Variants in MRTFA observed in about 807,000 individuals in gnomAD.
The protein encoded by MRTFA is myocardin related transcription factor A.
A neutral mutation model predicts 83.5 loss-of-function variants in MRTFA; 20 were observed. The ratio of observed to expected loss-of-function variants is 0.24; its 90% CI spans 0.17 to 0.35. The LOEUF is 0.35. Among genes scored for constraint, MRTFA ranks in the 10% least tolerant of loss-of-function variants. The pLI is 1.00. For missense variants in MRTFA, 1,200 were observed against 1,224.7 expected, an observed-to-expected ratio of 0.98 and a Z score of 0.30; for synonymous variants, 659 against 541.2, an observed-to-expected ratio of 1.22 and a Z score of -3.02.
intron 1 of MRTFA, among the ~76,000 whole-genome samples, chr22:40,602,918 T>C (rs755265321): frequency 3.0e-4 from 46 of 152,112 alleles, no homozygotes; most frequent in Non-Finnish European, 2.5e-4. Context: ...AAAACTGGCA[T>C]CACAAGAAAG....
At chr22:40,465,693 T>G (rs979782777) in intron 3 of MRTFA, among the ~76,000 whole-genome samples, 5 of 152,104 alleles carry the variant, frequency 3.3e-5, no homozygotes, top group Non-Finnish European at 7.4e-5. Flanking sequence ...CTGGAGTAGC[T>G]GGAACTATAG....
chr22:40,439,460 G>C (rs2053231912), intron 4 of MRTFA, among the ~76,000 whole-genome samples: 1 of 134,176 alleles, frequency 7.5e-6, no homozygotes, highest in South Asian at 2.3e-4. Context: ...AGCCAAAATT[G>C]CTCCATGGCA....
At chr22:40,533,931 G>A (rs990493192) in intron 3 of MRTFA, 1 of 295,018 alleles carries the variant, frequency 3.4e-6, no homozygotes, top group African/African-American at 2.1e-5. Context: ...CTCTGGGGGA[G>A]GGGAGAGACA....
chr22:40,551,202 G>C (rs1369704826), intron 3 of MRTFA, among the ~76,000 whole-genome samples: 2 of 151,950 alleles, frequency 1.3e-5, no homozygotes, highest in East Asian at 1.9e-4. Flanking sequence ...ATTAAAAAAA[G>C]GTTGAGGTAT....
At chr22:40,525,167 G>A (rs1400686969) in intron 3 of MRTFA, among the ~76,000 whole-genome samples, 1 of 152,028 alleles carries the variant, frequency 6.6e-6, no homozygotes, top group Non-Finnish European at 1.5e-5. Context: ...AAATCAGAAA[G>A]ATACAGGAAA....
chr22:40,528,237 C>A (rs1053276301), intron 3 of MRTFA, among the ~76,000 whole-genome samples: 6 of 152,110 alleles, frequency 3.9e-5, no homozygotes, highest in Non-Finnish European at 7.4e-5. Flanking sequence ...ATCTCCACCT[C>A]CTAAGATGTG....
At chr22:40,513,844 C>T (rs1345781716) in intron 3 of MRTFA, among the ~76,000 whole-genome samples, 1 of 151,962 alleles carries the variant, frequency 6.6e-6, no homozygotes, top group African/African-American at 2.4e-5. Context: ...CATTTGTAAT[C>T]CTAGCATTTT....
At chr22:40,587,899 T>C in intron 2 of MRTFA, 1 of 420,690 alleles carries the variant, frequency 2.4e-6, no homozygotes, top group African/African-American at 2.1e-5. Context: ...TCACAATATC[T>C]GGTGGAATGG....
chr22:40,525,426 G>A (rs888215446), intron 3 of MRTFA, among the ~76,000 whole-genome samples: 6 of 151,700 alleles, frequency 4.0e-5, no homozygotes, highest in Admixed American at 6.6e-5. Flanking sequence ...GCTTGAGCCC[G>A]GGAGACAGAG....
chr22:40,613,082 A>ATGGTGTCTTC (rs2056405450), intron 1 of MRTFA, among the ~76,000 whole-genome samples: 1 of 152,164 alleles, frequency 6.6e-6, no homozygotes, highest in Non-Finnish European at 1.5e-5. Flanking sequence ...AGAACTTCTT[A>ATGGTGTCTTC]TAAATGAAAT....
chr22:40,506,187 T>C (rs187631634), intron 3 of MRTFA, among the ~76,000 whole-genome samples: 298 of 152,300 alleles, frequency 2.0e-3, no homozygotes, highest in African/African-American at 6.3e-3. Flanking sequence ...TGAGCCGAGA[T>C]TGTGCCACTG....
intron 2 of MRTFA, chr22:40,586,907 TGCTGGTG>T: frequency 2.5e-6 from 1 of 401,206 alleles, no homozygotes. Context: ...CTGCTGGTGC[TGCTGGTG>T]CTGGTGCTGG....
intron 2 of MRTFA, among the ~76,000 whole-genome samples, chr22:40,575,894 G>A (rs1256644984): frequency 2.0e-5 from 3 of 152,140 alleles, no homozygotes; most frequent in Non-Finnish European, 4.4e-5. Context: ...TACTACATGA[G>A]AAGCACTAAC....
At chr22:40,587,339 G>T in intron 2 of MRTFA, 1 of 426,926 alleles carries the variant, frequency 2.3e-6, no homozygotes, top group East Asian at 6.6e-5. Context: ...AATAATTCTA[G>T]GAATGTTTCG....
chr22:40,577,683 G>A (rs962422834), intron 2 of MRTFA, among the ~76,000 whole-genome samples: 3 of 144,950 alleles, frequency 2.1e-5, no homozygotes, highest in Non-Finnish European at 3.0e-5. Flanking sequence ...TGCGATCACC[G>A]CAACCTCTGC....
At position 40,429,718 on chromosome 22, in the gene MRTFA, T is replaced by G; in HGVS notation, c.489A>C (p.Arg163Ser). The change falls in exon 7 of 15, where the codon AGA (arginine) becomes AGC (serine). Residue 163 changes from arginine to serine, a missense_variant. Coordinates refer to ENST00000355630, the MANE Select transcript of MRTFA (RefSeq NM_020831.6). Reference sequence around the variant, plus strand: ...CATTGAGGTCATCGGCTAGTCTGGCTCTCTTCAGCTTCAGCTGCTTGGCCT... The same window carrying G: ...CATTGAGGTCATCGGCTAGTCTGGCGCTCTTCAGCTTCAGCTGCTTGGCCT... The G allele has an allele frequency of 6.2e-7, 1 of 1,613,948 alleles. No homozygotes were observed. The highest frequency in any genetic ancestry group is 8.5e-7 in the Non-Finnish European group (1 of 1,179,976).
At chr22:40,467,421 G>C (rs1428503540) in intron 3 of MRTFA, among the ~76,000 whole-genome samples, 2 of 151,980 alleles carry the variant, frequency 1.3e-5, no homozygotes, top group African/African-American at 2.4e-5. Flanking sequence ...TGTTTATATG[G>C]AGTTTTTGTT....
At chr22:40,430,286 G>A (rs1415893321) in intron 6 of MRTFA, among the ~76,000 whole-genome samples, 6 of 151,896 alleles carry the variant, frequency 4.0e-5, no homozygotes, top group Non-Finnish European at 5.9e-5. Context: ...TCAGGAGTTC[G>A]AGACCAGCCT....
rs560289890 is a variant in MRTFA at position 40,483,068 on chromosome 22, C to A, written c.242-19782G>T. Among the ~76,000 whole-genome samples, 7 of 151,948 alleles carry A rather than the reference C, an allele frequency of 4.6e-5. No homozygotes were observed. The East Asian group carries it at 1.4e-3, about 30-fold the overall frequency. ...CAAGAGTGAGCCCGTCTCAAAAAAA[C>A]AAAACACAGAGACAGGATCTCACTC... On this transcript the variant is annotated intron_variant, in intron 3 of 14. Coordinates refer to ENST00000355630, the MANE Select transcript of MRTFA (RefSeq NM_020831.6).
Sources: allele counts gnomAD v4.1 joint callset (sites outside exome capture counted in the v4.1 genomes callset), GRCh38; gene constraint gnomAD v4.1.1; transcripts MANE v1.5; gene names NCBI Gene and HGNC (gene_info 2026-07-23, HGNC 2026-07-21).